Variants in PCGF2 observed in about 807,000 individuals in gnomAD.
The protein encoded by PCGF2 is polycomb group ring finger 2.
PCGF2 carries 8 observed loss-of-function variants against 36.1 expected under a neutral mutation model. The observed-to-expected ratio is 0.22, with a 90% CI of 0.13 to 0.40. The LOEUF (loss-of-function observed/expected upper bound fraction) is 0.40, where lower values mean the gene tolerates loss of function less well. Among genes scored for constraint, PCGF2 ranks in the 10% least tolerant of loss-of-function variants. PCGF2 has a pLI of 1.00. For synonymous variants in PCGF2, 198 were observed against 191.2 expected (o/e 1.04, Z -0.29); for missense variants, 436 against 475.9 (o/e 0.92, Z 0.78).
At chr17:38,745,707 G>A (rs1907492413) in intron 2 of PCGF2, among the ~76,000 whole-genome samples, 1 of 152,166 alleles carries the variant, frequency 6.6e-6, no homozygotes, top group African/African-American at 2.4e-5. Context: ...AGTAATGCCC[G>A]GCTTCATCCC....
At chr17:38,736,066 T>C in intron 10 of PCGF2, 24 bp downstream of exon 10, 1 of 1,522,858 alleles carries the variant, frequency 6.6e-7, no homozygotes, top group South Asian at 1.2e-5. Context: ...GTCTGCTCCC[T>C]GCCCGCCCCA....
chr17:38,741,629 C>T, intron 2 of PCGF2, among the ~76,000 whole-genome samples: 1 of 152,172 alleles, frequency 6.6e-6, no homozygotes, highest in East Asian at 1.9e-4. Context: ...TTTGGAGCAC[C>T]TCCCTCCTCT....
At chr17:38,738,678 CAG>C (rs1906956850) in intron 7 of PCGF2, 73 bp downstream of exon 7, 1 of 1,566,972 alleles carries the variant, frequency 6.4e-7, no homozygotes, top group South Asian at 1.1e-5. Flanking sequence ...TGGACACATC[CAG>C]AGAGGGTCCT....
Position 38,735,364 on chromosome 17 carries a change from G to A in PCGF2, c.894C>T (p.Thr298=). ...TGGCTGTCGAAGGGGGAGTGGGGGA[G>A]GTAGGGTGGGTGGCTGGAGGCCCAT... ...SSHGPPATHP[T]SPTPPSTASG... is the part of the protein sequence containing the mutation. Residue 298 remains threonine (T), a synonymous_variant, in exon 11 of 11, where the codon ACC becomes ACT. Coordinates refer to ENST00000620225, the MANE Select transcript of PCGF2 (RefSeq NM_007144.3). 6.4e-7 allele frequency: 1 copy of A among 1,562,250 alleles called. No homozygotes were observed. Among genetic ancestry groups the A allele is most frequent in the Non-Finnish European group, 8.7e-7 (1 of 1,151,956 alleles).
Position 38,736,070 on chromosome 17 carries a change from CG to C in PCGF2, c.657+19del. On this transcript the variant is annotated intron_variant, in intron 10 of 10. Transcript: ENST00000620225. ...ACCCTGTGGGAGTCTGCTCCCTGCC[CG>C]CCCCACTCGCTGGCTCACCCGCCGC... 6.5e-7 allele frequency: 1 copy of C among 1,536,714 alleles called. No individual in the cohort carries two copies. The highest frequency in any genetic ancestry group is 8.8e-7 in the Non-Finnish European group (1 of 1,130,002).
At chr17:38,737,061 G>T (rs1337302438) in intron 9 of PCGF2, among the ~76,000 whole-genome samples, 1 of 152,064 alleles carries the variant, frequency 6.6e-6, no homozygotes, top group African/African-American at 2.4e-5. Context: ...AGCCCGGGGG[G>T]TCAGCAGAGG....
In PCGF2 at chr17:38,735,576, G is replaced by A. The variant is rs370844202; in HGVS notation, c.682C>T (p.Arg228Cys). The change falls in exon 11 of 11, where the codon CGT becomes TGT. Residue 228 changes from arginine to cysteine, a missense_variant. Around this residue, in one of 3 missense-constraint regions of PCGF2, gnomAD observed 227 missense variants for 212.9 expected, o/e 1.07. Coordinates refer to ENST00000620225, the MANE Select transcript of PCGF2 (RefSeq NM_007144.3). ...AGCCGCTTGCAGGCTGGCTGGACAC[G>A]GTACTTGAGGGGGAGAGGCCCGTTC... Reference protein sequence around the residue: ...RRNGPLPLKYRVQPACKRLTL... With the variant: ...RRNGPLPLKYCVQPACKRLTL... 37 of 1,577,456 alleles carry A rather than the reference G, an allele frequency of 2.3e-5. No individual in the cohort carries two copies. Among genetic ancestry groups the A allele is most frequent in the Admixed American group, 7.1e-5 (4 of 56,206 alleles).
At chr17:38,741,444 A>AC (rs1338913724) in intron 2 of PCGF2, among the ~76,000 whole-genome samples, 1 of 151,768 alleles carries the variant, frequency 6.6e-6, no homozygotes, top group African/African-American at 2.4e-5. Flanking sequence ...CAACCCCTCC[A>AC]CCCAGGTGCA....
rs754951631 is a variant in PCGF2, at chr17:38,739,732, A to G, written c.113-50T>C. 2 of 1,341,248 alleles carry G rather than the reference A, an allele frequency of 1.5e-6. No individual in the cohort carries two copies. The highest frequency in any genetic ancestry group is 2.9e-5 in the African/African-American group (2 of 69,648). The allele number at this position is 1,341,248 out of a possible 1,614,324, so 83.1% of individuals were successfully genotyped here. A position where few individuals can be genotyped will look rare whatever the true frequency, so the allele number is the denominator to read the frequency against. On this transcript the variant is annotated intron_variant, in intron 3 of 10. Coordinates refer to ENST00000620225, the MANE Select transcript of PCGF2 (RefSeq NM_007144.3). This position sits in a 1 kb window ranked among gnomAD's most constrained non-coding sequence, Gnocchi z 4.0. Reference sequence around the variant, plus strand: ...AGAGTCAGAGCCAACTTCCAACTCCAGGACCAGCCTCCCCGCCCTCTGCTC... The same window carrying G: ...AGAGTCAGAGCCAACTTCCAACTCCGGGACCAGCCTCCCCGCCCTCTGCTC...
At chr17:38,743,131 C>T (rs1426979810) in intron 2 of PCGF2, among the ~76,000 whole-genome samples, 1 of 146,134 alleles carries the variant, frequency 6.8e-6, no homozygotes, top group Non-Finnish European at 1.5e-5. Flanking sequence ...TGCTCTGTTG[C>T]CCAGGCTGAA....
chr17:38,743,568 C>T (rs1215521455), intron 2 of PCGF2, among the ~76,000 whole-genome samples: 1 of 152,168 alleles, frequency 6.6e-6, no homozygotes, highest in Non-Finnish European at 1.5e-5. Context: ...TGCTCCTTCT[C>T]CAGTTTAAGA....
intron 2 of PCGF2, among the ~76,000 whole-genome samples, chr17:38,744,442 G>A (rs1907413781): frequency 6.6e-6 from 1 of 151,730 alleles, no homozygotes; most frequent in Non-Finnish European, 1.5e-5. Context: ...TGCAACCTCC[G>A]CCTCCTGGAT....
chr17:38,734,983 T>TAC lies in PCGF2; in HGVS notation c.*238_*239dup, dbSNP rs977965137. 2.8e-6 allele frequency: 1 copy of TAC among 351,390 alleles called. No individual in the cohort carries two copies. The highest frequency in any genetic ancestry group is 5.1e-6 in the Non-Finnish European group (1 of 197,872). The allele number at this position is 351,390 out of a possible 1,614,324, so 21.8% of individuals were successfully genotyped here. ...AAAAATGAACACCATTTTCCACACA[T>TAC]ACACACACACATAAAGTTTGTTTCC... On this transcript the variant is annotated 3_prime_UTR_variant, in exon 11 of 11. Transcript: ENST00000620225.
Position 38,739,081 on chromosome 17 carries a change from G to A in PCGF2, c.303C>T (p.Tyr101=), listed in dbSNP as rs752386015. ...GAGCACACTCACCCTCCGTCAGGGGGTACGCTGCATAGAAATCCCGCCGCC... is the reference window on the plus strand; with the variant it reads ...GAGCACACTCACCCTCCGTCAGGGGATACGCTGCATAGAAATCCCGCCGCC... ...MKRRRDFYAA[Y]PLTEVPNGSN... The change falls in exon 6 of 11, where the codon TAC becomes TAT. Residue 101 remains tyrosine (Y), a synonymous_variant. Coordinates refer to ENST00000620225, the MANE Select transcript of PCGF2 (RefSeq NM_007144.3). This position sits in a 1 kb window ranked among gnomAD's most constrained non-coding sequence, Gnocchi z 4.0. 37 of 1,613,334 alleles carry A rather than the reference G, an allele frequency of 2.3e-5. No homozygotes were observed. The South Asian group carries it at 3.8e-4, about 17-fold the overall frequency.
Position 38,739,189 on chromosome 17 carries a change from T to C in PCGF2, c.265+9A>G, listed in dbSNP as rs1278270646. 2.3e-5 allele frequency: 37 copies of C among 1,613,578 alleles called. No homozygotes were observed. The highest frequency in any genetic ancestry group is 2.7e-5 in the Non-Finnish European group (32 of 1,179,852). ...TGGGGTCAGTGGAGGAGGAATGGAGTGCAGATACCTTTAAAAAGCCCAGGG... is the reference window on the plus strand; with the variant it reads ...TGGGGTCAGTGGAGGAGGAATGGAGCGCAGATACCTTTAAAAAGCCCAGGG... On this transcript the variant is annotated intron_variant, in intron 5 of 10. Transcript: ENST00000620225. The surrounding 1 kb of genome is among the most constrained non-coding windows in gnomAD (Gnocchi z 4.0).
intron 2 of PCGF2, among the ~76,000 whole-genome samples, chr17:38,743,459 A>G (rs1459670771): frequency 6.6e-6 from 1 of 151,550 alleles, no homozygotes; most frequent in East Asian, 1.9e-4. Context: ...CCCCTCACCC[A>G]GTCACTTCCC....
chr17:38,736,084 G>C lies in PCGF2; in HGVS notation c.657+6C>G, dbSNP rs992287566. ...TGCTCCCTGCCCGCCCCACTCGCTGGCTCACCCGCCGCCAGGGGTAGATGT... is the reference window on the plus strand; with the variant it reads ...TGCTCCCTGCCCGCCCCACTCGCTGCCTCACCCGCCGCCAGGGGTAGATGT... On this transcript the variant is annotated splice_donor_region_variant and intron_variant, in intron 10 of 10. Transcript: ENST00000620225. 11 of 1,565,708 alleles carry C rather than the reference G, an allele frequency of 7.0e-6. No homozygotes were observed. The highest frequency in any genetic ancestry group is 8.7e-6 in the Non-Finnish European group (10 of 1,153,342).
chr17:38,749,052 T>C (rs1907749708), upstream of PCGF2, among the ~76,000 whole-genome samples: 1 of 151,854 alleles, frequency 6.6e-6, no homozygotes, highest in African/African-American at 2.4e-5. This position sits in a 1 kb window ranked among gnomAD's most constrained non-coding sequence, Gnocchi z 6.5. Context: ...ATCGGGTAGC[T>C]CTGGCGGAGG....
intron 7 of PCGF2, 57 bp from the exon 8 acceptor site, chr17:38,738,652 G>T: frequency 6.4e-7 from 1 of 1,553,034 alleles, no homozygotes. Context: ...GGAGACCCAG[G>T]AGGATGATCC....
Sources: allele counts gnomAD v4.1 joint callset (sites outside exome capture counted in the v4.1 genomes callset), GRCh38; gene constraint gnomAD v4.1.1; regional missense constraint gnomAD v4.1.1; non-coding constraint Gnocchi (gnomAD v3.1); transcripts MANE v1.5; gene names NCBI Gene and HGNC (gene_info 2026-07-23, HGNC 2026-07-21).